ANK3: variants seen among roughly 807,000 people sequenced by gnomAD.
ANK3 encodes ankyrin-3.
ANK3 carries 57 observed loss-of-function variants against 370.9 expected under a neutral mutation model. The observed-to-expected ratio is 0.15, with a 90% CI of 0.12 to 0.19. The LOEUF (loss-of-function observed/expected upper bound fraction) is 0.19, where lower values mean the gene tolerates loss of function less well. Among genes scored for constraint, ANK3 ranks in the 10% least tolerant of loss-of-function variants. The probability of loss-of-function intolerance (pLI) is 1.00; values close to 1 mark genes in which losing one functional copy is unlikely to be tolerated. For missense variants in ANK3, 4,439 were observed against 5,302.1 expected, an observed-to-expected ratio of 0.84 and a Z score of 5.06; for synonymous variants, 1,929 against 1,946.3, an observed-to-expected ratio of 0.99 and a Z score of 0.23.
chr10:60,294,971 G>C (rs758022998), intron 1 of ANK3, among the ~76,000 whole-genome samples: 2 of 152,152 alleles, frequency 1.3e-5, no homozygotes, highest in African/African-American at 2.4e-5. Flanking sequence ...ACAAGGAAGA[G>C]TGGACTTTAC....
intron 2 of ANK3, among the ~76,000 whole-genome samples, chr10:60,433,599 G>T (rs1194168179): frequency 6.6e-6 from 1 of 152,040 alleles, no homozygotes; most frequent in East Asian, 1.9e-4. Context: ...GTGAGACTCT[G>T]TCTCAAAAAG....
intron 7 of ANK3, among the ~76,000 whole-genome samples, chr10:60,245,944 C>T (rs1197178223): frequency 6.6e-6 from 1 of 152,088 alleles, no homozygotes; most frequent in Non-Finnish European, 1.5e-5. Context: ...TTCCTTCATA[C>T]CATAGTGATC....
intron 41 of ANK3, among the ~76,000 whole-genome samples, chr10:60,057,707 T>C (rs770397433): frequency 6.6e-6 from 1 of 152,202 alleles, no homozygotes; most frequent in Non-Finnish European, 1.5e-5. Flanking sequence ...GTTTTTTCTA[T>C]ATAATTCACT....
At chr10:60,272,776 CTT>C (rs66866154) in intron 4 of ANK3, among the ~76,000 whole-genome samples, 1 of 96,360 alleles carries the variant, frequency 1.0e-5, no homozygotes, top group Non-Finnish European at 2.8e-5. Flanking sequence ...CCACACCCAC[CTT>C]TTTTTTTTTA....
intron 25 of ANK3, among the ~76,000 whole-genome samples, chr10:60,132,223 C>T (rs2094115061): frequency 6.6e-6 from 1 of 152,112 alleles, no homozygotes; most frequent in Admixed American, 6.6e-5. Context: ...TGCTAATACC[C>T]ATTTAAAACC....
chr10:60,513,323 A>G (rs904365043), intron 2 of ANK3, among the ~76,000 whole-genome samples: 57 of 152,248 alleles, frequency 3.7e-4, no homozygotes, highest in African/African-American at 1.2e-3. Flanking sequence ...GTAATTGGGG[A>G]TATTTAAACA....
chr10:60,330,851 G>C (rs1366052573), intron 1 of ANK3, among the ~76,000 whole-genome samples: 1 of 152,142 alleles, frequency 6.6e-6, no homozygotes, highest in Non-Finnish European at 1.5e-5. Context: ...CAATAGCAAA[G>C]ACTTGGAACC....
At chr10:60,171,356 T>C (rs1008173036) in intron 21 of ANK3, among the ~76,000 whole-genome samples, 28 of 152,348 alleles carry the variant, frequency 1.8e-4, no homozygotes, top group African/African-American at 6.5e-4. Context: ...CACTGCCAGA[T>C]AACTCAAACT....
At chr10:60,213,703 C>G (rs1317652747) in intron 8 of ANK3, among the ~76,000 whole-genome samples, 193 bp from the exon 9 acceptor site, 1 of 152,104 alleles carries the variant, frequency 6.6e-6, no homozygotes, top group Admixed American at 6.5e-5. Flanking sequence ...TAAGTAGCTG[C>G]AAAGTATGTA....
chr10:60,405,497 G>A lies in ANK3; in HGVS notation c.97-125858C>T, dbSNP rs183949345. Among the ~76,000 whole-genome samples, 1,085 of 152,258 alleles carry A rather than the reference G, an allele frequency of 7.1e-3. 7 individuals carry two copies. The highest frequency in any genetic ancestry group is 0.016 in the South Asian group (78 of 4,828). On this transcript the variant is annotated intron_variant, in intron 2 of 43. Coordinates refer to the ANK3 transcript ENST00000373827. ...AGGTTGCTTCTGGGAGTGGAGTGAG[G>A]TGGGAATTGACTGGGAAGGGAGAAA...
rs149501667 is a variant in ANK3 at position 60,258,598 on chromosome 10, C to G, written c.798+3261G>C. ...TATTGTTTACTCCCTTCAGTCACAT[C>G]GCCTTTGTTTCTACCTATTATCTGC... On this transcript the variant is annotated intron_variant, in intron 7 of 43. Coordinates refer to ENST00000280772, the MANE Select transcript of ANK3 (RefSeq NM_020987.5). 1.2e-3 allele frequency among the ~76,000 whole-genome samples: 182 copies of G among 152,296 alleles called. 4 individuals carry two copies. The East Asian group carries it at 0.033, about 28-fold the overall frequency.
intron 1 of ANK3, among the ~76,000 whole-genome samples, chr10:60,664,120 C>A (rs916333964): frequency 1.3e-5 from 2 of 152,190 alleles, no homozygotes; most frequent in African/African-American, 4.8e-5. Flanking sequence ...AAAGAGGACA[C>A]GTGAGATAGC....
chr10:60,669,710 C>A (rs2079042611), intron 1 of ANK3, among the ~76,000 whole-genome samples: 1 of 152,226 alleles, frequency 6.6e-6, no homozygotes, highest in South Asian at 2.1e-4. Flanking sequence ...CTCCCCCTCA[C>A]TTTCTTTGGT....
intron 8 of ANK3, among the ~76,000 whole-genome samples, chr10:60,222,422 T>TC (rs1555163075): frequency 6.9e-6 from 1 of 144,792 alleles, no homozygotes; most frequent in East Asian, 2.0e-4. Context: ...TTAATTCAGT[T>TC]AAAAAAAAAA....
chr10:60,197,266 T>C (rs1010472819), intron 14 of ANK3, among the ~76,000 whole-genome samples: 9 of 152,190 alleles, frequency 5.9e-5, no homozygotes, highest in Admixed American at 6.5e-5. Context: ...AACTGAATAA[T>C]GACACATGGA....
chr10:60,176,537 G>A (rs1426562159), intron 18 of ANK3, among the ~76,000 whole-genome samples: 3 of 152,042 alleles, frequency 2.0e-5, no homozygotes, highest in Non-Finnish European at 4.4e-5. Context: ...CGAGGCCGGC[G>A]GATCACCCGA....
chr10:60,226,585 A>AT (rs969669991), intron 8 of ANK3, among the ~76,000 whole-genome samples: 2 of 84,876 alleles, frequency 2.4e-5, no homozygotes, highest in African/African-American at 1.3e-4. Context: ...TATATATACT[A>AT]TGTATATATA....
rs775743067 is a variant in ANK3 at position 60,074,001 on chromosome 10, A to G, written c.6880T>C (p.Phe2294Leu). The change falls in exon 37 of 44, where the codon TTT becomes CTT. Residue 2294 changes from phenylalanine (F) to leucine (L), a missense_variant. Phe to Leu is a conservative substitution (Grantham distance 22). Around this residue, in one of 13 missense-constraint regions of ANK3, gnomAD observed 1,601 missense variants for 1,731.7 expected, o/e 0.92. Transcript: ENST00000280772. ...GGAGACACTGCCGACTTATGTTCAAACAGACCTGCCAGTTCTTTGGAAGGA... is the reference window on the plus strand; with the variant it reads ...GGAGACACTGCCGACTTATGTTCAAGCAGACCTGCCAGTTCTTTGGAAGGA... ...RDPSKELAGL[F>L]EHKSAVSPDV... The G allele has an allele frequency of 9.3e-6, 15 of 1,613,914 alleles. No individual in the cohort carries two copies. The highest frequency in any genetic ancestry group is 8.5e-7 in the Non-Finnish European group (1 of 1,179,988).
intron 1 of ANK3, among the ~76,000 whole-genome samples, chr10:60,618,024 G>C (rs1391769052): frequency 6.6e-6 from 1 of 152,108 alleles, no homozygotes. Context: ...TAACATTGTG[G>C]AAGCATCCCT....
Sources: allele counts gnomAD v4.1 joint callset (sites outside exome capture counted in the v4.1 genomes callset), GRCh38; gene constraint gnomAD v4.1.1; regional missense constraint gnomAD v4.1.1; transcripts MANE v1.5; gene names NCBI Gene and HGNC (gene_info 2026-07-23, HGNC 2026-07-21).